The following CCDC170 variants were observed in gnomAD, a reference collection of about 807,000 sequenced individuals.
CCDC170 encodes coiled-coil domain-containing protein 170.
In CCDC170, 69 loss-of-function variants were observed where a neutral mutation model predicts 72.6. The observed-to-expected ratio is 0.95, with a 90% CI of 0.78 to 1.16. The LOEUF (loss-of-function observed/expected upper bound fraction) is 1.16. CCDC170 is among the 50% of genes most tolerant of loss of function. The pLI, the probability that CCDC170 is intolerant of heterozygous loss-of-function variation, is 0.00. For synonymous variants in CCDC170, 300 were observed against 303.9 expected, an observed-to-expected ratio of 0.99 and a Z score of 0.13; for missense variants, 852 against 832.5, an observed-to-expected ratio of 1.02 and a Z score of -0.29.
intron 6 of CCDC170, among the ~76,000 whole-genome samples, chr6:151,576,560 G>T (rs149652021): frequency 2.0e-5 from 3 of 152,040 alleles, no homozygotes; most frequent in Non-Finnish European, 4.4e-5. Context: ...TGGTTAAGCT[G>T]GGTATGCTTT....
At chr6:151,601,165 G>A (rs1183032222) in intron 9 of CCDC170, among the ~76,000 whole-genome samples, 1 of 152,142 alleles carries the variant, frequency 6.6e-6, no homozygotes, top group Non-Finnish European at 1.5e-5. Flanking sequence ...TTACATGGCG[G>A]TGGCAAGAGA....
At chr6:151,580,323 C>A (rs141249506) in intron 6 of CCDC170, among the ~76,000 whole-genome samples, 1 of 152,106 alleles carries the variant, frequency 6.6e-6, no homozygotes, top group Non-Finnish European at 1.5e-5. Flanking sequence ...TGCAGTCCAA[C>A]GTGAAACCAC....
chr6:151,511,572 C>T (rs1484723985), intron 1 of CCDC170, among the ~76,000 whole-genome samples: 1 of 152,122 alleles, frequency 6.6e-6, no homozygotes, highest in African/African-American at 2.4e-5. Flanking sequence ...TAGCTTCTGC[C>T]TTCAAACACA....
chr6:151,584,410 T>A (rs533737708), intron 6 of CCDC170, among the ~76,000 whole-genome samples: 4 of 152,330 alleles, frequency 2.6e-5, no homozygotes, highest in African/African-American at 9.6e-5. Context: ...TGACACATTC[T>A]CATGATGAAT....
intron 1 of CCDC170, among the ~76,000 whole-genome samples, chr6:151,508,409 G>A (rs939873578): frequency 3.3e-5 from 5 of 152,012 alleles, no homozygotes; most frequent in South Asian, 2.1e-4. Flanking sequence ...TAGTGGGGGG[G>A]CGCCTGTAGT....
intron 1 of CCDC170, among the ~76,000 whole-genome samples, chr6:151,533,420 C>T (rs1782525219): frequency 2.6e-5 from 4 of 151,938 alleles, no homozygotes; most frequent in Admixed American, 2.6e-4. Flanking sequence ...GTAATCCCAG[C>T]ACTTTGGGAG....
intron 9 of CCDC170, among the ~76,000 whole-genome samples, chr6:151,610,031 A>T (rs1402091967): frequency 6.6e-6 from 1 of 152,196 alleles, no homozygotes; most frequent in Non-Finnish European, 1.5e-5. Context: ...CTGTTCTTTT[A>T]TAAATACAAG....
chr6:151,532,946 A>G (rs1782511961), intron 1 of CCDC170, among the ~76,000 whole-genome samples: 1 of 151,960 alleles, frequency 6.6e-6, no homozygotes, highest in Non-Finnish European at 1.5e-5. Flanking sequence ...TTTCTCTCAG[A>G]TCCTTGCCTG....
At chr6:151,544,896 A>G (rs763958971) in intron 4 of CCDC170, among the ~76,000 whole-genome samples, 180 bp downstream of exon 4, 1 of 152,174 alleles carries the variant, frequency 6.6e-6, no homozygotes, top group East Asian at 1.9e-4. Flanking sequence ...CTCAATTCCA[A>G]GATCTTTTCT....
At chr6:151,592,938 G>T (rs572185399) in intron 7 of CCDC170, 169 bp from the exon 8 acceptor site, 1 of 660,056 alleles carries the variant, frequency 1.5e-6, no homozygotes, top group Non-Finnish European at 2.6e-6. Flanking sequence ...GAACTGGCAG[G>T]GTGGTTCAGG....
intron 3 of CCDC170, among the ~76,000 whole-genome samples, chr6:151,540,363 TCTG>T: frequency 2.3e-5 from 3 of 132,050 alleles, no homozygotes; most frequent in Admixed American, 8.1e-5. Context: ...TCCTCCTTCT[TCTG>T]CTGCTGCTTT....
intron 5 of CCDC170, among the ~76,000 whole-genome samples, chr6:151,570,965 G>A (rs1025280609): frequency 5.3e-5 from 8 of 152,270 alleles, no homozygotes; most frequent in Admixed American, 2.0e-4. Context: ...AATTAGTTGA[G>A]TTATTACATC....
rs1391168933 is a variant in CCDC170, at chr6:151,536,373, A to G, written c.113A>G (p.Tyr38Cys). Reference protein sequence around the residue: ...VPVTREQLNHYRNVAQNARSE... With the variant: ...VPVTREQLNHCRNVAQNARSE... ...GTCACGCGGGAGCAGTTAAACCACT[A>G]TCGGAATGTGGCTCAAAATGCTCGA... The change falls in exon 2 of 11, where the codon TAT (tyrosine) becomes TGT (cysteine). Residue 38 changes from tyrosine (Y) to cysteine (C), a missense_variant. Coordinates refer to ENST00000239374, the MANE Select transcript of CCDC170 (RefSeq NM_025059.4). 2.5e-6 allele frequency: 4 copies of G among 1,614,188 alleles called. No individual in the cohort carries two copies. Among genetic ancestry groups the G allele is most frequent in the Non-Finnish European group, 3.4e-6 (4 of 1,180,022 alleles).
chr6:151,564,412 G>T (rs558064028), intron 5 of CCDC170, among the ~76,000 whole-genome samples: 1 of 152,242 alleles, frequency 6.6e-6, no homozygotes, highest in East Asian at 1.9e-4. Context: ...GGCCAAGAGT[G>T]CCTGTTCTTA....
chr6:151,520,155 T>C (rs1195915504), intron 1 of CCDC170, among the ~76,000 whole-genome samples: 3 of 152,220 alleles, frequency 2.0e-5, no homozygotes, highest in Non-Finnish European at 4.4e-5. Flanking sequence ...ATGTTTACAT[T>C]GTGAGGTCCT....
chr6:151,557,112 A>T (rs1472822480), intron 5 of CCDC170, among the ~76,000 whole-genome samples: 1 of 152,112 alleles, frequency 6.6e-6, no homozygotes, highest in Non-Finnish European at 1.5e-5. Flanking sequence ...ATACCACATT[A>T]AAAAAATCTA....
intron 9 of CCDC170, among the ~76,000 whole-genome samples, chr6:151,612,522 C>T (rs952597352): frequency 2.6e-5 from 4 of 152,204 alleles, no homozygotes. Context: ...TGCCTTCTCA[C>T]AGTTCCCTCT....
At position 151,494,173 on chromosome 6, in the gene CCDC170, G is replaced by T. The variant is rs1401478512; in HGVS notation, c.45G>T (p.Ser15=). The T allele has an allele frequency of 2.6e-6, 4 of 1,517,506 alleles. No individual in the cohort carries two copies. The East Asian group carries it at 1.1e-4, about 41-fold the overall frequency. The allele number at this position is 1,517,506 out of a possible 1,614,324, so 94.0% of individuals were successfully genotyped here. A position where few individuals can be genotyped will look rare whatever the true frequency, so the allele number is the denominator to read the frequency against. ...GCCATATCGCGCTGGGTGCCGCTTC[G>T]CCAGCGCCCGAGGTACGGTCCCAGC... The part of the protein sequence containing the change: ...CTSHIALGAA[S]PAPEETYDHL... The change falls in exon 1 of 11, where the codon TCG becomes TCT. Residue 15 remains serine, a synonymous_variant. Coordinates refer to ENST00000239374, the MANE Select transcript of CCDC170 (RefSeq NM_025059.4).
At chr6:151,563,927 T>A in intron 5 of CCDC170, among the ~76,000 whole-genome samples, 1 of 152,222 alleles carries the variant, frequency 6.6e-6, no homozygotes, top group Non-Finnish European at 1.5e-5. Context: ...TGACAGGTCC[T>A]GGCTCACTTC....
Sources: allele counts gnomAD v4.1 joint callset (sites outside exome capture counted in the v4.1 genomes callset), GRCh38; gene constraint gnomAD v4.1.1; transcripts MANE v1.5; gene names NCBI Gene and HGNC (gene_info 2026-07-23, HGNC 2026-07-21).